The following MAGED1 variants were observed in gnomAD, a reference collection of about 807,000 sequenced individuals.
MAGED1 encodes melanoma-associated antigen D1.
Under a neutral mutation model 54.1 loss-of-function variants are expected in MAGED1, and 3 were observed. The observed-to-expected ratio is 0.06, with a 90% CI of 0.03 to 0.14. The LOEUF (loss-of-function observed/expected upper bound fraction) is 0.14, where lower values mean the gene tolerates loss of function less well. MAGED1 is among the 10% of genes least tolerant of loss of function. The pLI, the probability that MAGED1 is intolerant of heterozygous loss-of-function variation, is 1.00. For missense variants in MAGED1, 485 were observed against 623.4 expected, an observed-to-expected ratio of 0.78 and a Z score of 2.36; for synonymous variants, 217 against 227.3, an observed-to-expected ratio of 0.95 and a Z score of 0.41.
chrX:51,834,859 G>A (rs1266845291), intron 1 of MAGED1, among the ~76,000 whole-genome samples: 2 of 111,734 alleles, frequency 1.8e-5, no homozygotes, highest in East Asian at 5.6e-4. Flanking sequence ...CTATAAAAAT[G>A]CTCTTCTAAA....
chrX:51,807,450 A>G (rs1925073341), intron 1 of MAGED1, among the ~76,000 whole-genome samples: 1 of 111,043 alleles, frequency 9.0e-6, no homozygotes, highest in African/African-American at 3.3e-5. Context: ...CATTCCGTTC[A>G]TTATTTTTTT....
chrX:51,823,570 T>A (rs1288495699), intron 1 of MAGED1, among the ~76,000 whole-genome samples: 1 of 111,818 alleles, frequency 8.9e-6, no homozygotes, highest in African/African-American at 3.2e-5. Flanking sequence ...TAACTTTTTT[T>A]GTCGATTTAA....
intron 1 of MAGED1, among the ~76,000 whole-genome samples, chrX:51,834,450 A>C (rs1244331084): frequency 8.9e-6 from 1 of 112,039 alleles, no homozygotes; most frequent in Non-Finnish European, 1.9e-5. Flanking sequence ...TTTTTTATGA[A>C]TATTGGTGTG....
In MAGED1 at chrX:51,805,633, C is replaced by T. The variant is rs1456483824; in HGVS notation, c.-37+2516C>T. On this transcript the variant is annotated intron_variant, in intron 1 of 12. Transcript: ENST00000375772. The stretch of plus-strand genomic sequence containing the variant: ...GAGGCATGAATAATGCCTCTTTTTA[C>T]CAGAATATTTTTAAATAAAAAATTA... Among the ~76,000 whole-genome samples the T allele has an allele frequency of 5.5e-5, 6 of 108,959 alleles. No individual in the cohort carries two copies. In the Admixed American group the frequency reaches 6.0e-4, roughly 11 times the overall value. 94.6% of individuals were successfully genotyped at this position (108,959 alleles called of 115,157 possible). A position where few individuals can be genotyped will look rare whatever the true frequency, so the allele number is the denominator to read the frequency against.
chrX:51,837,516 A>G (rs568445421), intron 1 of MAGED1, among the ~76,000 whole-genome samples: 2 of 112,272 alleles, frequency 1.8e-5, no homozygotes, highest in African/African-American at 6.5e-5. Flanking sequence ...GTTTTTTACA[A>G]TGAAGCCTTT....
chrX:51,900,633 T>G (rs1359217111), intron 11 of MAGED1, among the ~76,000 whole-genome samples: 5 of 111,568 alleles, frequency 4.5e-5, no homozygotes, highest in Non-Finnish European at 9.4e-5. Context: ...TTTATTTATT[T>G]ATTTGTTTTC....
intron 1 of MAGED1, among the ~76,000 whole-genome samples, chrX:51,836,732 C>T (rs781936206): frequency 2.7e-5 from 3 of 109,808 alleles, no homozygotes; most frequent in South Asian, 4.0e-4. Context: ...CACCTACGCC[C>T]GGCTAGTTTT....
intron 1 of MAGED1, chrX:51,870,618 GT>G (rs1927635603): frequency 8.9e-6 from 1 of 112,255 alleles, no homozygotes; most frequent in Non-Finnish European, 1.9e-5. Context: ...AGGTGGTAAG[GT>G]TGATATGTAG....
intron 1 of MAGED1, among the ~76,000 whole-genome samples, chrX:51,826,820 C>T (rs1557356994): frequency 1.8e-5 from 2 of 112,367 alleles, no homozygotes; most frequent in African/African-American, 6.5e-5. Flanking sequence ...AACAGTTTGA[C>T]AGTTTCTTAC....
At chrX:51,817,114 G>T (rs1557356143) in intron 1 of MAGED1, among the ~76,000 whole-genome samples, 1 of 111,913 alleles carries the variant, frequency 8.9e-6, no homozygotes, top group Non-Finnish European at 1.9e-5. Flanking sequence ...TGAGCACTCT[G>T]ATCCAATGAG....
intron 1 of MAGED1, among the ~76,000 whole-genome samples, chrX:51,822,745 G>A (rs1557356652): frequency 9.0e-6 from 1 of 110,873 alleles, no homozygotes; most frequent in Non-Finnish European, 1.9e-5. Flanking sequence ...TTTTGTTGAG[G>A]ATTATTGTGT....
intron 1 of MAGED1, among the ~76,000 whole-genome samples, chrX:51,883,100 C>A (rs1166618948): frequency 9.0e-6 from 1 of 111,334 alleles, no homozygotes; most frequent in African/African-American, 3.3e-5. Flanking sequence ...CCCTTGCCAG[C>A]CTGTAATAAG....
chrX:51,855,477 G>A (rs1159229926), intron 1 of MAGED1, among the ~76,000 whole-genome samples: 15 of 111,536 alleles, frequency 1.3e-4, no homozygotes, highest in African/African-American at 4.6e-4. Context: ...GAGGCTAGAC[G>A]TCTGAGATCA....
At chrX:51,867,420 C>T (rs1422347535) in intron 1 of MAGED1, among the ~76,000 whole-genome samples, 1 of 111,952 alleles carries the variant, frequency 8.9e-6, no homozygotes, top group Admixed American at 9.5e-5. Flanking sequence ...AGAGCCAATC[C>T]GAGTCCCAAA....
chrX:51,805,267 A>G (rs1416805915), intron 1 of MAGED1, among the ~76,000 whole-genome samples: 1 of 111,864 alleles, frequency 8.9e-6, no homozygotes, highest in Non-Finnish European at 1.9e-5. Context: ...GCTTGTTTAT[A>G]AAAGATAAAA....
intron 1 of MAGED1, among the ~76,000 whole-genome samples, chrX:51,813,376 A>G (rs1925298583): frequency 9.0e-6 from 1 of 111,070 alleles, no homozygotes; most frequent in East Asian, 2.8e-4. Flanking sequence ...CTGCTCCACA[A>G]CTGGGCAAGT....
chrX:51,822,125 C>G (rs1294968683), intron 1 of MAGED1, among the ~76,000 whole-genome samples: 1 of 111,722 alleles, frequency 9.0e-6, no homozygotes, highest in East Asian at 2.8e-4. Flanking sequence ...CCCTCGTCTT[C>G]CCTCCTTTTA....
At chrX:51,836,483 T>A (rs1467291186) in intron 1 of MAGED1, among the ~76,000 whole-genome samples, 1 of 111,120 alleles carries the variant, frequency 9.0e-6, no homozygotes, top group Non-Finnish European at 1.9e-5. Flanking sequence ...TGTCTCAGTG[T>A]AAGTGATGAA....
intron 1 of MAGED1, among the ~76,000 whole-genome samples, chrX:51,810,273 G>A (rs1490671511): frequency 9.0e-6 from 1 of 111,088 alleles, no homozygotes; most frequent in Non-Finnish European, 1.9e-5. Flanking sequence ...CATTTTACAA[G>A]GAACTATGTA....
Sources: allele counts gnomAD v4.1 joint callset (sites outside exome capture counted in the v4.1 genomes callset), GRCh38; gene constraint gnomAD v4.1.1; transcripts MANE v1.5; gene names NCBI Gene and HGNC (gene_info 2026-07-23, HGNC 2026-07-21).